TNS2: variants seen among roughly 807,000 people sequenced by gnomAD.
The protein encoded by TNS2 is tensin 2.
A neutral mutation model predicts 155.7 loss-of-function variants in TNS2; 77 were observed. That is an observed-to-expected ratio of 0.49 (90% CI 0.41 to 0.60). The LOEUF (loss-of-function observed/expected upper bound fraction) is 0.60. TNS2 is among the 20% of genes least tolerant of loss of function. The pLI is 0.00. For missense variants in TNS2, 1,703 were observed against 1,868.8 expected (o/e 0.91, Z 1.64); for synonymous variants, 726 against 763.9 (o/e 0.95, Z 0.82).
At position 53,058,125 on chromosome 12, in the gene TNS2, G is replaced by A. The variant is rs755335720; in HGVS notation, c.1095+23G>A. ...ATGGTGAGGGGGGTCCTGTCAACAA[G>A]AAGAATCCTGGAGATGGGGCAGGGG... On this transcript the variant is annotated intron_variant, in intron 14 of 28. Coordinates refer to ENST00000314250, the MANE Select transcript of TNS2 (RefSeq NM_170754.4). 12 of 1,614,008 alleles carry A rather than the reference G, an allele frequency of 7.4e-6. No homozygotes were observed. The Admixed American group carries it at 2.0e-4, about 27-fold the overall frequency.
At chr12:53,052,572 T>G (rs1366093060) in intron 3 of TNS2, 80 bp downstream of exon 3, 1 of 1,571,848 alleles carries the variant, frequency 6.4e-7, no homozygotes, top group Non-Finnish European at 8.7e-7. Context: ...GCAACCACAC[T>G]GGCATCAACC....
rs1592249467 is a variant in TNS2 at position 53,057,039 on chromosome 12, C to T, written c.788C>T (p.Thr263Ile). 6.2e-7 allele frequency: 1 copy of T among 1,613,778 alleles called. No individual in the cohort carries two copies. The highest frequency in any genetic ancestry group is 8.5e-7 in the Non-Finnish European group (1 of 1,179,902). ...GCGGACCAGGCACTGGCCACTCTTA[C>T]CATGCGGAAATTCTGCGAGGACAAG... ...AGADQALATL[T>I]MRKFCEDKVA... Residue 263 changes from threonine (T) to isoleucine (I), a missense_variant, in exon 11 of 29, where the codon ACC (threonine) becomes ATC (isoleucine). By Grantham distance (89) the Thr-to-Ile change is moderately conservative. Coordinates refer to ENST00000314250, the MANE Select transcript of TNS2 (RefSeq NM_170754.4).
At position 53,063,509 on chromosome 12, in the gene TNS2, C is replaced by G. The variant is rs545615223; in HGVS notation, c.4062-54C>G. On this transcript the variant is annotated intron_variant, in intron 27 of 28. Transcript: ENST00000314250. This position sits in a 1 kb window ranked among gnomAD's most constrained non-coding sequence, Gnocchi z 5.6. ...CAGCCCCAGCCCCGGCCCCGGCCCC[C>G]CTTCAGCAGCTGTCCCCTGGGGTGT... is the stretch of plus-strand genomic sequence containing the variant. 18 of 1,613,304 alleles carry G rather than the reference C, an allele frequency of 1.1e-5. No homozygotes were observed. Among genetic ancestry groups the G allele is most frequent in the South Asian group, 5.5e-5 (5 of 91,072 alleles).
chr12:53,060,603 T>A lies in TNS2; in HGVS notation c.2768+48T>A, dbSNP rs141263103. The A allele has an allele frequency of 6.2e-7, 1 of 1,600,196 alleles. No individual in the cohort carries two copies. Among genetic ancestry groups the A allele is most frequent in the Non-Finnish European group, 8.5e-7 (1 of 1,171,960 alleles). On this transcript the variant is annotated intron_variant, in intron 19 of 28. Coordinates refer to ENST00000314250, the MANE Select transcript of TNS2 (RefSeq NM_170754.4). The surrounding 1 kb of genome is among the most constrained non-coding windows in gnomAD (Gnocchi z 6.1). ...CTCGAGTGCTTTCTTGTCCAAGCAG[T>A]TGATGAAGGCAGGTGGGGTGGGAGC... is the stretch of plus-strand genomic sequence containing the variant.
Position 53,054,411 on chromosome 12 carries a change from G to A in TNS2, c.492G>A (p.Val164=), listed in dbSNP as rs772750116. Residue 164 remains valine, a synonymous_variant, in exon 7 of 29, where the codon GTG becomes GTA. Coordinates refer to ENST00000314250, the MANE Select transcript of TNS2 (RefSeq NM_170754.4). ...HRGHLRELAH[V]LQSKHRDKYL... is the part of the protein sequence containing the mutation. Reference sequence around the variant, plus strand: ...GCCACCTGCGCGAGCTGGCCCATGTGCTGCAATCCAAGCACCGGGACAAGT... The same window carrying A: ...GCCACCTGCGCGAGCTGGCCCATGTACTGCAATCCAAGCACCGGGACAAGT... The A allele has an allele frequency of 1.1e-5, 18 of 1,605,398 alleles. No homozygotes were observed. In the Middle Eastern group the frequency reaches 8.3e-4, roughly 74 times the overall value.
rs1431362720 is a variant in TNS2 at position 53,063,638 on chromosome 12, G to A, written c.4091+46G>A. ...AGCCTCTTCCTTCCAAGGGACCAGG[G>A]CGCTGCTGTCCTCTCAATGCTGGCA... On this transcript the variant is annotated intron_variant, in intron 28 of 28. Transcript: ENST00000314250. The surrounding 1 kb of genome is among the most constrained non-coding windows in gnomAD (Gnocchi z 5.6). The A allele has an allele frequency of 1.2e-5, 20 of 1,614,080 alleles. No homozygotes were observed. Among genetic ancestry groups the A allele is most frequent in the Non-Finnish European group, 1.7e-5 (20 of 1,180,032 alleles).
rs201485539 is a variant in TNS2, at chr12:53,050,252, G to A, written c.67G>A (p.Ala23Thr). The A allele has an allele frequency of 4.9e-5, 78 of 1,606,780 alleles. No individual in the cohort carries two copies. The East Asian group carries it at 5.4e-4, about 11-fold the overall frequency. ...ALGRRDSSRA[A>T]SRPRKAEPHS... ...GGGGAGGAGGGACAGCAGCCGGGCC[G>A]CAAGCAGGGTAGGAGTGCCCACCAG... is the stretch of plus-strand genomic sequence containing the variant. Residue 23 changes from alanine to threonine, a missense_variant, in exon 1 of 29, where the codon GCA becomes ACA. By Grantham distance (58) the Ala-to-Thr change is moderately conservative. Transcript: ENST00000314250. The surrounding 1 kb of genome is among the most constrained non-coding windows in gnomAD (Gnocchi z 4.7).
chr12:53,061,819 T>C lies in TNS2; in HGVS notation c.3453T>C (p.Ile1151=). Residue 1151 remains isoleucine, a synonymous_variant, in exon 22 of 29, where the codon ATT becomes ATC. Coordinates refer to ENST00000314250, the MANE Select transcript of TNS2 (RefSeq NM_170754.4). ...CCGCTACCCCTCACCCTGCAGCCATTGCCCTGCTGAAGGACAAGGACCCTG... is the reference window on the plus strand; with the variant it reads ...CCGCTACCCCTCACCCTGCAGCCATCGCCCTGCTGAAGGACAAGGACCCTG... ...YKPHLSRDQA[I]ALLKDKDPGA... is the part of the protein sequence containing the mutation. The C allele has an allele frequency of 6.2e-7, 1 of 1,612,294 alleles. No individual in the cohort carries two copies. Among genetic ancestry groups the C allele is most frequent in the African/African-American group, 1.3e-5 (1 of 75,006 alleles).
chr12:53,047,219 GCCCAGCCGAGCC>G (rs1943752212), upstream of TNS2, among the ~76,000 whole-genome samples: 1 of 141,118 alleles, frequency 7.1e-6, no homozygotes. Flanking sequence ...GCGGGAGGGA[GCCCAGCCGAGCC>G]CGGCCGCCCG....
intron 25 of TNS2, 144 bp from the exon 26 acceptor site, chr12:53,062,945 G>A: frequency 8.8e-7 from 1 of 1,136,180 alleles, no homozygotes; most frequent in South Asian, 1.6e-5. Flanking sequence ...TGTAGATCCA[G>A]TAGAGTCATG....
In TNS2 at chr12:53,055,818, A is replaced by G. The variant is rs1944132526; in HGVS notation, c.734A>G (p.Tyr245Cys). Residue 245 changes from tyrosine to cysteine, a missense_variant, in exon 10 of 29, where the codon TAC becomes TGC. Coordinates refer to ENST00000314250, the MANE Select transcript of TNS2 (RefSeq NM_170754.4). ...AAGCTTGGGGTCATCGTTTCTGCCT[A>G]CATGCACTACAGCAAGATCTCTGCA... Reference protein sequence around the residue: ...KGKLGVIVSAYMHYSKISAGA... With the variant: ...KGKLGVIVSACMHYSKISAGA... 5.0e-6 allele frequency: 8 copies of G among 1,613,910 alleles called. No homozygotes were observed. Among genetic ancestry groups the G allele is most frequent in the Non-Finnish European group, 6.8e-6 (8 of 1,179,970 alleles).
upstream of TNS2, chr12:53,049,327 G>C (rs1943840089): frequency 8.5e-7 from 1 of 1,181,438 alleles, no homozygotes; most frequent in South Asian, 1.4e-5. Context: ...GGGCTGGAAA[G>C]AGGGCTAGGG....
chr12:53,058,079 C>T lies in TNS2; in HGVS notation c.1072C>T (p.Leu358Phe). Reference sequence around the variant, plus strand: ...GCTTTGCATCAGCCTGGAGCCAGCCCTCCTCCTCAAAGGCGATGTCATGGT... The same window carrying T: ...GCTTTGCATCAGCCTGGAGCCAGCCTTCCTCCTCAAAGGCGATGTCATGGT... ...QQLCISLEPA[L>F]LLKGDVMVTC... The change falls in exon 14 of 29, where the codon CTC becomes TTC. Residue 358 changes from leucine (L) to phenylalanine (F), a missense_variant. Transcript: ENST00000314250. 6.2e-7 allele frequency: 1 copy of T among 1,614,182 alleles called. No individual in the cohort carries two copies. Among genetic ancestry groups the T allele is most frequent in the Non-Finnish European group, 8.5e-7 (1 of 1,180,032 alleles).
At position 53,059,924 on chromosome 12, in the gene TNS2, C is replaced by T. The variant is rs773012011; in HGVS notation, c.2283C>T (p.Gly761=). 19 of 1,610,708 alleles carry T rather than the reference C, an allele frequency of 1.2e-5. No homozygotes were observed. The highest frequency in any genetic ancestry group is 9.9e-5 in the South Asian group (9 of 90,886). The change falls in exon 18 of 29, where the codon GGC becomes GGT. Residue 761 remains glycine (G), a synonymous_variant. Coordinates refer to ENST00000314250, the MANE Select transcript of TNS2 (RefSeq NM_170754.4). The surrounding 1 kb of genome is among the most constrained non-coding windows in gnomAD (Gnocchi z 4.7). The stretch of plus-strand genomic sequence containing the variant: ...GCTGCCTGAAGCCACCCAAGGCAGG[C>T]GAGGAAGGGCACGAGGGCTGCTCCT... ...DYSCLKPPKA[G]EEGHEGCSYT...
upstream of TNS2, chr12:53,049,911 C>T: frequency 4.1e-6 from 3 of 724,242 alleles, no homozygotes; most frequent in Non-Finnish European, 6.3e-6. Context: ...AGCAAAAGAT[C>T]ACAGGCTGAC....
chr12:53,057,238 C>A (rs1944192960), intron 11 of TNS2, 142 bp downstream of exon 11: 5 of 899,450 alleles, frequency 5.6e-6, no homozygotes, highest in African/African-American at 5.0e-5. Context: ...GTGGACAAAG[C>A]CCCTGCTCTC....
At chr12:53,047,109 G>T, upstream of TNS2, 1 of 152,546 alleles carries the variant, frequency 6.6e-6, no homozygotes, top group South Asian at 1.9e-4. Context: ...AGGAGGCCGA[G>T]GGGTGGGGAG....
Position 53,057,059 on chromosome 12 carries a change from G to A in TNS2, c.808G>A (p.Asp270Asn). The change falls in exon 11 of 29, where the codon GAC (aspartate) becomes AAC (asparagine). Residue 270 changes from aspartate to asparagine, a missense_variant. Asp to Asn is a conservative substitution (Grantham distance 23, BLOSUM62 1). Coordinates refer to ENST00000314250, the MANE Select transcript of TNS2 (RefSeq NM_170754.4). ...TCTTACCATGCGGAAATTCTGCGAG[G>A]ACAAGGTGGCCACAGAACTGCAGCC... is the stretch of plus-strand genomic sequence containing the variant. ...ATLTMRKFCE[D>N]KVATELQPSQ... is the part of the protein sequence containing the mutation. The A allele has an allele frequency of 6.2e-7, 1 of 1,613,776 alleles. No homozygotes were observed. The highest frequency in any genetic ancestry group is 8.5e-7 in the Non-Finnish European group (1 of 1,179,924).
Position 53,057,661 on chromosome 12 carries a change from G to A in TNS2, c.940G>A (p.Ala314Thr), listed in dbSNP as rs1038906063. The A allele has an allele frequency of 6.2e-7, 1 of 1,614,138 alleles. No homozygotes were observed. Among genetic ancestry groups the A allele is most frequent in the Non-Finnish European group, 8.5e-7 (1 of 1,179,996 alleles). ...LHYVLIPMLP[A>T]FEPGTGFQPF... The stretch of plus-strand genomic sequence containing the variant: ...CTATGTGCTCATCCCCATGCTGCCA[G>A]CCTTTGAACCTGGCACAGGTGAGTC... Residue 314 changes from alanine (A) to threonine (T), a missense_variant, in exon 12 of 29, where the codon GCC (alanine) becomes ACC (threonine). By Grantham distance (58) the Ala-to-Thr change is moderately conservative. Coordinates refer to ENST00000314250, the MANE Select transcript of TNS2 (RefSeq NM_170754.4).
Sources: allele counts gnomAD v4.1 joint callset (sites outside exome capture counted in the v4.1 genomes callset), GRCh38; gene constraint gnomAD v4.1.1; non-coding constraint Gnocchi (gnomAD v3.1); transcripts MANE v1.5; gene names NCBI Gene and HGNC (gene_info 2026-07-23, HGNC 2026-07-21).